The following BCR variants were observed in gnomAD, a reference collection of about 807,000 sequenced individuals.
The protein encoded by BCR is BCR activator of RhoGEF and GTPase, also known as breakpoint cluster region protein.
BCR carries 58 observed loss-of-function variants against 138.6 expected under a neutral mutation model. That is an observed-to-expected ratio of 0.42 (90% CI 0.34 to 0.52). The LOEUF (loss-of-function observed/expected upper bound fraction) is 0.52, where lower values mean the gene tolerates loss of function less well. Among genes scored for constraint, BCR ranks in the 20% least tolerant of loss-of-function variants. The pLI is 0.06. For synonymous variants in BCR, 786 were observed against 730.1 expected (o/e 1.08, Z -1.23); for missense variants, 1,599 against 1,727.2 (o/e 0.93, Z 1.32).
At chr22:23,224,120 G>T (rs558204395) in intron 1 of BCR, among the ~76,000 whole-genome samples, 1 of 152,220 alleles carries the variant, frequency 6.6e-6, no homozygotes, top group Non-Finnish European at 1.5e-5. Flanking sequence ...AGGCTCGGGC[G>T]CAGATCTCTC....
intron 8 of BCR, among the ~76,000 whole-genome samples, chr22:23,282,778 A>T (rs2073663569): frequency 6.6e-6 from 1 of 152,104 alleles, no homozygotes; most frequent in Admixed American, 6.5e-5. Context: ...TCCCCTGCCA[A>T]CCCTTCTGAC....
chr22:23,210,840 T>C (rs1826518614), intron 1 of BCR, among the ~76,000 whole-genome samples: 2 of 152,240 alleles, frequency 1.3e-5, no homozygotes, highest in Admixed American at 1.3e-4. Flanking sequence ...TACCGAGGAT[T>C]ATTTCATCCC....
chr22:23,283,647 T>G, intron 8 of BCR: 1 of 231,436 alleles, frequency 4.3e-6, no homozygotes, highest in Non-Finnish European at 8.4e-6. Context: ...CAGCAGACTG[T>G]TTGCTTGGCT....
rs2072236485 is a variant in BCR at position 23,180,849 on chromosome 22, G to T, written c.-112G>T. ...GGCATTGTTCGCCGCCGCCGCCGCC[G>T]CGCGGGCCATGGGGGCCGCCCGGCG... On this transcript the variant is annotated 5_prime_UTR_variant, in exon 1 of 23. Coordinates refer to ENST00000305877, the MANE Select transcript of BCR (RefSeq NM_004327.4). 5 of 438,936 alleles carry T rather than the reference G, an allele frequency of 1.1e-5. No individual in the cohort carries two copies. The Admixed American group carries it at 4.5e-3, about 398-fold the overall frequency. The allele number at this position is 438,936 out of a possible 1,614,324, so 27.2% of individuals were successfully genotyped here. A position where few individuals can be genotyped will look rare whatever the true frequency, so the allele number is the denominator to read the frequency against.
chr22:23,220,411 T>C (rs1444710412), intron 1 of BCR, among the ~76,000 whole-genome samples: 1 of 152,190 alleles, frequency 6.6e-6, no homozygotes, highest in African/African-American at 2.4e-5. Context: ...CCTCTCTGCC[T>C]GGGTCATTTG....
rs1352467954 is a variant in BCR, at chr22:23,253,840, G to C, written c.1321G>C (p.Asp441His). 2 of 1,612,972 alleles carry C rather than the reference G, an allele frequency of 1.2e-6. No homozygotes were observed. The highest frequency in any genetic ancestry group is 1.3e-5 in the African/African-American group (1 of 74,922). ...GTPPGYGCAA[D>H]RAEEQRRHQD... ...ACCACCTGGATACGGCTGCGCTGCA[G>C]ACCGGGCAGAGGAGCAGCGCCGGCA... Residue 441 changes from aspartate to histidine, a missense_variant, in exon 2 of 23, where the codon GAC becomes CAC. By Grantham distance (81) the Asp-to-His change is moderately conservative. Coordinates refer to ENST00000305877, the MANE Select transcript of BCR (RefSeq NM_004327.4).
intron 1 of BCR, among the ~76,000 whole-genome samples, chr22:23,210,143 G>T (rs895429837): frequency 2.0e-5 from 3 of 152,088 alleles, no homozygotes; most frequent in East Asian, 1.9e-4. Context: ...AAAGACTTAG[G>T]CTGGGCACAG....
intron 12 of BCR, 39 bp downstream of exon 12, chr22:23,288,211 C>G: frequency 5.1e-6 from 8 of 1,579,158 alleles, no homozygotes; most frequent in Non-Finnish European, 7.0e-6. Flanking sequence ...GGGCTTCAAA[C>G]CATTAGGGCC....
chr22:23,210,390 C>A (rs2072667268), intron 1 of BCR, among the ~76,000 whole-genome samples: 1 of 149,738 alleles, frequency 6.7e-6, no homozygotes. Context: ...GTACTCCAGC[C>A]TGGGTGACAG....
chr22:23,263,814 G>A (rs1360014323), intron 4 of BCR: 2 of 1,223,544 alleles, frequency 1.6e-6, no homozygotes, highest in African/African-American at 1.5e-5. Context: ...TTTGGCCTCA[G>A]GCCAGCTGGG....
chr22:23,214,770 A>G (rs1156371311), intron 1 of BCR, among the ~76,000 whole-genome samples: 3 of 152,232 alleles, frequency 2.0e-5, no homozygotes, highest in Admixed American at 6.5e-5. Context: ...GAAGGGGTCA[A>G]AGTAGGCTGG....
chr22:23,211,258 C>T (rs5759650), intron 1 of BCR, among the ~76,000 whole-genome samples: 51,670 of 150,546 alleles, frequency 0.34, 9,265 homozygotes, highest in East Asian at 0.67. Flanking sequence ...AGTGCAGTGG[C>T]GCGATCTCGG....
chr22:23,202,604 A>G (rs1393736446), intron 1 of BCR, among the ~76,000 whole-genome samples: 2 of 152,160 alleles, frequency 1.3e-5, no homozygotes, highest in African/African-American at 4.8e-5. Context: ...ATTTAAGTGG[A>G]ATCATGCAGT....
chr22:23,220,096 C>T (rs1374734045), intron 1 of BCR, among the ~76,000 whole-genome samples: 1 of 152,192 alleles, frequency 6.6e-6, no homozygotes, highest in African/African-American at 2.4e-5. Flanking sequence ...GCTGTGTGGG[C>T]ACGGTTCCCT....
At chr22:23,218,962 G>A (rs966096245) in intron 1 of BCR, among the ~76,000 whole-genome samples, 10 of 152,204 alleles carry the variant, frequency 6.6e-5, no homozygotes, top group African/African-American at 1.7e-4. Context: ...TTTACAGAGC[G>A]GCCAGCTGGT....
intron 16 of BCR, chr22:23,302,779 C>T (rs1312138363): frequency 1.3e-5 from 2 of 152,244 alleles, no homozygotes; most frequent in African/African-American, 4.8e-5. Context: ...GCCTGGACCT[C>T]CAGGGACCAG....
Position 23,261,403 on chromosome 22 carries a change from A to G in BCR, c.1615A>G (p.Thr539Ala). 1 of 1,613,772 alleles carries G rather than the reference A, an allele frequency of 6.2e-7. No individual in the cohort carries two copies. Among genetic ancestry groups the G allele is most frequent in the Non-Finnish European group, 8.5e-7 (1 of 1,179,962 alleles). Residue 539 changes from threonine (T) to alanine (A), a missense_variant, in exon 4 of 23, where the codon ACG becomes GCG. Thr to Ala is a moderately conservative substitution (Grantham distance 58). Coordinates refer to ENST00000305877, the MANE Select transcript of BCR (RefSeq NM_004327.4). ...TGCCACCACCTCTCAGCCGGTGCTG[A>G]CGAGTCAGCAGATCGAGACCATCTT... ...AAATTSQPVL[T>A]SQQIETIFFK...
rs768446636 is a variant in BCR, at chr22:23,290,380, G to A, written c.2749G>A (p.Val917Ile). 48 of 1,613,990 alleles carry A rather than the reference G, an allele frequency of 3.0e-5. No individual in the cohort carries two copies. Among genetic ancestry groups the A allele is most frequent in the Admixed American group, 1.8e-4 (11 of 60,000 alleles). The change falls in exon 14 of 23, where the codon GTC (valine) becomes ATC (isoleucine). Residue 917 changes from valine (V) to isoleucine (I), a missense_variant. By Grantham distance (29) the Val-to-Ile change is conservative. Transcript: ENST00000305877. The part of the protein sequence containing the change: ...PGLYGFLNVI[V>I]HSATGFKQSS... ...GCTCTATGGGTTTCTGAATGTCATC[G>A]TCCACTCAGCCACTGGATTTAAGCA...
intron 2 of BCR, among the ~76,000 whole-genome samples, chr22:23,254,300 G>A (rs2146268141): frequency 6.6e-6 from 1 of 152,168 alleles, no homozygotes; most frequent in East Asian, 1.9e-4. Flanking sequence ...TGAGCCAGGT[G>A]GTGTCTGGGC....
Sources: gnomAD v4.1 joint callset for allele counts (sites outside exome capture counted in the v4.1 genomes callset) on GRCh38, gnomAD v4.1.1 for gene constraint, MANE v1.5 for transcripts, NCBI Gene and HGNC (gene_info 2026-07-23, HGNC 2026-07-21) for gene names.